The following GSE1 variants were observed in gnomAD, a reference collection of about 807,000 sequenced individuals.
The protein encoded by GSE1 is Gse1 coiled-coil protein.
In GSE1, 32 loss-of-function variants were observed where a neutral mutation model predicts 112.6. The observed-to-expected ratio is 0.28, with a 90% confidence interval of 0.21 to 0.38. The LOEUF (loss-of-function observed/expected upper bound fraction) is 0.38, where lower values mean the gene tolerates loss of function less well. Ranked by LOEUF, GSE1 falls within the 10% of genes least tolerant of loss-of-function variation. The pLI is 1.00. For synonymous variants in GSE1, 1,115 were observed against 735.6 expected (o/e 1.52, Z -8.35); for missense variants, 2,348 against 1,699.2 (o/e 1.38, Z -6.71).
chr16:85,589,306 G>T (rs554942361), intron 1 of GSE1, among the ~76,000 whole-genome samples: 22 of 152,284 alleles, frequency 1.4e-4, no homozygotes, highest in African/African-American at 5.1e-4. Context: ...GCAGGGCCCT[G>T]TTTCTCAGCT....
intron 2 of GSE1, among the ~76,000 whole-genome samples, chr16:85,487,442 C>T (rs9935508): frequency 0.042 from 6,402 of 152,236 alleles, 241 homozygotes; most frequent in East Asian, 0.14. Context: ...TACGTTCGCA[C>T]CTGGGCAGGC....
chr16:85,591,943 G>C (rs975983665), intron 1 of GSE1, among the ~76,000 whole-genome samples: 1 of 152,146 alleles, frequency 6.6e-6, no homozygotes, highest in Admixed American at 6.5e-5. Context: ...TGTGGCTATA[G>C]AGTGCTCAGA....
chr16:85,621,224 G>C (rs1007635331), intron 1 of GSE1, among the ~76,000 whole-genome samples: 3 of 150,592 alleles, frequency 2.0e-5, no homozygotes, highest in Admixed American at 6.6e-5. Flanking sequence ...GGTCTCTGCT[G>C]TGTTGGGGAA....
intron 1 of GSE1, among the ~76,000 whole-genome samples, chr16:85,229,215 G>A (rs1459612958): frequency 1.3e-5 from 2 of 152,216 alleles, no homozygotes; most frequent in Non-Finnish European, 2.9e-5. Flanking sequence ...CCTGGCCTGC[G>A]GGCGGGTAGG....
intron 2 of GSE1, among the ~76,000 whole-genome samples, chr16:85,515,643 G>T (rs1302532225): frequency 6.6e-6 from 1 of 151,358 alleles, no homozygotes; most frequent in African/African-American, 2.4e-5. Context: ...AGGTCGGGGG[G>T]CGTGGAGGGC....
chr16:85,288,990 C>G (rs1198678619), intron 1 of GSE1, among the ~76,000 whole-genome samples: 2 of 152,194 alleles, frequency 1.3e-5, no homozygotes, highest in African/African-American at 4.8e-5. Flanking sequence ...TGGTGTCAGG[C>G]TCTCCTGAGC....
chr16:85,474,756 G>T (rs2050401782), intron 2 of GSE1, among the ~76,000 whole-genome samples: 1 of 149,944 alleles, frequency 6.7e-6, no homozygotes, highest in East Asian at 2.0e-4. Flanking sequence ...GCTCCTCTCT[G>T]CCTGGAAACT....
chr16:85,508,182 C>T (rs1055882839), intron 2 of GSE1, among the ~76,000 whole-genome samples: 3 of 152,136 alleles, frequency 2.0e-5, no homozygotes, highest in Admixed American at 1.3e-4. Flanking sequence ...TACAGGCATG[C>T]GTCACCACGC....
exon 1 of GSE1, chr16:85,171,591 G>A: frequency 1.0e-6 from 1 of 985,620 alleles, no homozygotes; most frequent in South Asian, 4.7e-5. Flanking sequence ...TTTGTCAGCA[G>A]GAGAAGAAAC....
intron 1 of GSE1, among the ~76,000 whole-genome samples, chr16:85,275,228 G>C (rs1288598989): frequency 6.6e-6 from 1 of 152,224 alleles, no homozygotes; most frequent in Non-Finnish European, 1.5e-5. Context: ...CCGAACTGGA[G>C]GAGACAGAAC....
intron 1 of GSE1, chr16:85,594,777 G>C (rs898160233): frequency 6.6e-6 from 1 of 152,300 alleles, no homozygotes; most frequent in Non-Finnish European, 1.5e-5. Flanking sequence ...ACACCTGCAC[G>C]AAACACAGGC....
At chr16:85,332,432 C>T (rs55912494) in intron 1 of GSE1, among the ~76,000 whole-genome samples, 4,684 of 152,324 alleles carry the variant, frequency 0.031, 103 homozygotes, top group Non-Finnish European at 0.047. Context: ...GGACTAATGT[C>T]CCCACTTTCC....
At chr16:85,392,877 C>T (rs2151649186) in intron 2 of GSE1, among the ~76,000 whole-genome samples, 1 of 152,324 alleles carries the variant, frequency 6.6e-6, no homozygotes, top group Non-Finnish European at 1.5e-5. Context: ...GCGGGGATGC[C>T]CTCCGAGGTC....
At chr16:85,258,064 G>C (rs925960689) in intron 1 of GSE1, among the ~76,000 whole-genome samples, 1 of 152,208 alleles carries the variant, frequency 6.6e-6, no homozygotes, top group East Asian at 1.9e-4. Flanking sequence ...CATCCCCAGT[G>C]CCCCCATGGG....
chr16:85,519,884 C>T (rs2052121987), intron 2 of GSE1, among the ~76,000 whole-genome samples: 1 of 152,194 alleles, frequency 6.6e-6, no homozygotes, highest in Non-Finnish European at 1.5e-5. Flanking sequence ...TTCTAGAAAG[C>T]CCGGCTGGGG....
chr16:85,463,390 C>T (rs1002694988), intron 2 of GSE1, among the ~76,000 whole-genome samples: 12 of 152,214 alleles, frequency 7.9e-5, no homozygotes, highest in Non-Finnish European at 1.8e-4. Context: ...CAACTCTAGG[C>T]AGCCGGGGGA....
chr16:85,203,642 A>G (rs1362480345), intron 1 of GSE1, among the ~76,000 whole-genome samples: 1 of 152,244 alleles, frequency 6.6e-6, no homozygotes, highest in African/African-American at 2.4e-5. Flanking sequence ...TCCTTTGTGC[A>G]GCTGCTTTAT....
At chr16:85,184,532 C>T (rs2074660887) in intron 1 of GSE1, among the ~76,000 whole-genome samples, 1 of 152,312 alleles carries the variant, frequency 6.6e-6, no homozygotes, top group South Asian at 2.1e-4. Context: ...CATGAGAGCT[C>T]CTTTTCTCTA....
chr16:85,415,095 C>T (rs11862792), intron 2 of GSE1, among the ~76,000 whole-genome samples: 4,726 of 152,210 alleles, frequency 0.031, 232 homozygotes, highest in African/African-American at 0.11. Flanking sequence ...TGGGTGTGCA[C>T]CACCATGCTA....
Sources: gnomAD v4.1 joint callset for allele counts (sites outside exome capture counted in the v4.1 genomes callset) on GRCh38, gnomAD v4.1.1 for gene constraint, MANE v1.5 for transcripts, NCBI Gene and HGNC (gene_info 2026-07-23, HGNC 2026-07-21) for gene names.